The following A2ML1 variants were observed in gnomAD, a reference collection of about 807,000 sequenced individuals.
A2ML1 encodes the protein alpha-2-macroglobulin like 1.
In A2ML1, 161 loss-of-function variants were observed where a neutral mutation model predicts 181.9. The observed-to-expected ratio is 0.89, with a 90% CI of 0.78 to 1.01. A2ML1 has a LOEUF of 1.01. Ranked by LOEUF, A2ML1 falls within the 50% of genes least tolerant of loss-of-function variation. The pLI, the probability that A2ML1 is intolerant of heterozygous loss-of-function variation, is 0.00. For missense variants in A2ML1, 1,670 were observed against 1,768.1 expected, an observed-to-expected ratio of 0.94 and a Z score of 1.00; for synonymous variants, 663 against 666.8, an observed-to-expected ratio of 0.99 and a Z score of 0.09.
intron 33 of A2ML1, among the ~76,000 whole-genome samples, chr12:8,872,393 A>G (rs965897496): frequency 1.3e-5 from 2 of 152,046 alleles, no homozygotes; most frequent in Non-Finnish European, 2.9e-5. Context: ...TCATATTAGA[A>G]ATTAAAACTG....
At chr12:8,874,068 T>G (rs1376795871) in intron 33 of A2ML1, among the ~76,000 whole-genome samples, 1 of 151,964 alleles carries the variant, frequency 6.6e-6, no homozygotes, top group Non-Finnish European at 1.5e-5. Context: ...CAGGCTGGAG[T>G]GCAGTGGCGC....
chr12:8,881,871 T>C (rs1398169101), intron 7 of A2ML1, among the ~76,000 whole-genome samples: 5 of 151,228 alleles, frequency 3.3e-5, no homozygotes, highest in Admixed American at 1.3e-4. Flanking sequence ...ATTAGCTGGG[T>C]GTGGTGGTGG....
chr12:8,845,062 G>A (rs963497296), intron 12 of A2ML1: 8 of 1,434,118 alleles, frequency 5.6e-6, no homozygotes, highest in Non-Finnish European at 7.3e-6. Context: ...ATTTTAAATT[G>A]AGCTGTAATT....
chr12:8,855,463 C>A, intron 22 of A2ML1, 46 bp from the exon 23 acceptor site: 1 of 1,586,564 alleles, frequency 6.3e-7, no homozygotes, highest in Non-Finnish European at 8.6e-7. Context: ...GAACCCCTGC[C>A]ATTCCCCATC....
Position 8,861,277 on chromosome 12 carries a change from A to T in A2ML1, c.3482A>T (p.Asp1161Val). The change falls in exon 28 of 36, where the codon GAT (aspartate) becomes GTT (valine). Residue 1161 changes from aspartate to valine, a missense_variant. Coordinates refer to ENST00000299698, the MANE Select transcript of A2ML1 (RefSeq NM_144670.6). ...DIRNILLKQL[D>V]QQAIISGESI... ...AGAAACATTCTCCTTAAACAGTTAG[A>T]TCAACAGGCTATCATCTCAGGTATG... 6.2e-7 allele frequency: 1 copy of T among 1,614,040 alleles called. No individual in the cohort carries two copies. The highest frequency in any genetic ancestry group is 1.1e-5 in the South Asian group (1 of 91,058).
In A2ML1 at chr12:8,852,380, G is replaced by A. The variant is rs768125451; in HGVS notation, c.2590+44G>A. The A allele has an allele frequency of 6.2e-7, 1 of 1,610,992 alleles. No homozygotes were observed. Among genetic ancestry groups the A allele is most frequent in the Non-Finnish European group, 8.5e-7 (1 of 1,178,218 alleles). ...AGACGGGCGAGGAAAGCCAGCAGCA[G>A]AAGACCAGTGACTGAGCACTCAGTC... is the stretch of plus-strand genomic sequence containing the variant. On this transcript the variant is annotated intron_variant, in intron 20 of 35. Coordinates refer to ENST00000299698, the MANE Select transcript of A2ML1 (RefSeq NM_144670.6). This position sits in a 1 kb window ranked among gnomAD's most constrained non-coding sequence, Gnocchi z 4.2.
At chr12:8,825,434 T>C (rs142248485) in intron 3 of A2ML1, among the ~76,000 whole-genome samples, 1 of 152,300 alleles carries the variant, frequency 6.6e-6, no homozygotes, top group Non-Finnish European at 1.5e-5. Flanking sequence ...GCCCGTTCTT[T>C]AATCTGATTA....
chr12:8,841,487 C>T lies in A2ML1; in HGVS notation c.1199C>T (p.Pro400Leu). Reference sequence around the variant, plus strand: ...GTTACTGATAACAATGGCCTAGCTCCCTTTACCTTGGAGACATCCGGTTGG... The same window carrying T: ...GTTACTGATAACAATGGCCTAGCTCTCTTTACCTTGGAGACATCCGGTTGG... Reference protein sequence around the residue: ...TLVTDNNGLAPFTLETSGWNG... With the variant: ...TLVTDNNGLALFTLETSGWNG... The change falls in exon 11 of 36, where the codon CCC (proline) becomes CTC (leucine). Residue 400 changes from proline (P) to leucine (L), a missense_variant. Coordinates refer to ENST00000299698, the MANE Select transcript of A2ML1 (RefSeq NM_144670.6). 6.2e-7 allele frequency: 1 copy of T among 1,614,122 alleles called. No individual in the cohort carries two copies. Among genetic ancestry groups the T allele is most frequent in the South Asian group, 1.1e-5 (1 of 91,068 alleles).
downstream of A2ML1, among the ~76,000 whole-genome samples, chr12:8,878,450 T>C (rs1485246079): frequency 2.6e-5 from 4 of 152,178 alleles, no homozygotes; most frequent in African/African-American, 9.7e-5. The surrounding 1 kb of genome is among the most constrained non-coding windows in gnomAD (Gnocchi z 4.4). Context: ...CTAAACCTGT[T>C]GTACACATAG....
chr12:8,851,859 T>C lies in A2ML1; in HGVS notation c.2310T>C (p.Thr770=), dbSNP rs370481255. ...AGTGGAAGGCGATGAGTTTCTGCAC[T>C]TCCCAGTCAAGAGGCTTCGGGCTTT... ...ITEWKAMSFC[T]SQSRGFGLSP... Residue 770 remains threonine (T), a synonymous_variant, in exon 19 of 36, where the codon ACT becomes ACC. Transcript: ENST00000299698. The C allele has an allele frequency of 3.3e-5, 53 of 1,614,114 alleles. No homozygotes were observed. The highest frequency in any genetic ancestry group is 2.0e-4 in the South Asian group (18 of 91,088).
Position 8,838,371 on chromosome 12 carries a change from C to T in A2ML1, c.891C>T (p.Asp297=). 6.2e-7 allele frequency: 1 copy of T among 1,613,824 alleles called. No homozygotes were observed. Among genetic ancestry groups the T allele is most frequent in the Non-Finnish European group, 8.5e-7 (1 of 1,179,842 alleles). Residue 297 remains aspartate, a synonymous_variant, in exon 9 of 36, where the codon GAC becomes GAT. Transcript: ENST00000299698. ...DKTGCFSAPV[D]MATFDLIGYA... ...CAGGATGTTTCTCAGCACCTGTGGA[C>T]ATGGCCACCTTTGACCTCATTGGAT...
intron 20 of A2ML1, among the ~76,000 whole-genome samples, chr12:8,853,730 T>C (rs191568756): frequency 6.6e-6 from 1 of 152,332 alleles, no homozygotes; most frequent in Admixed American, 6.5e-5. Flanking sequence ...AACAGCTGTC[T>C]TCCCCAGAGC....
chr12:8,832,469 G>A (rs901710935), intron 4 of A2ML1, among the ~76,000 whole-genome samples: 6 of 152,202 alleles, frequency 3.9e-5, no homozygotes, highest in Non-Finnish European at 5.9e-5. Flanking sequence ...TTGTTTCAGA[G>A]TCAAACCATG....
chr12:8,869,084 C>G, intron 32 of A2ML1, 51 bp from the exon 33 acceptor site: 7 of 1,577,186 alleles, frequency 4.4e-6, no homozygotes, highest in Non-Finnish European at 5.2e-6. Flanking sequence ...AAGACTACCC[C>G]AGGGAAGGCT....
intron 1 of A2ML1, among the ~76,000 whole-genome samples, chr12:8,822,976 G>A (rs1942792331): frequency 6.6e-6 from 1 of 152,186 alleles, no homozygotes; most frequent in Non-Finnish European, 1.5e-5. Flanking sequence ...AGGCATGTGT[G>A]CTCGGTGAGG....
chr12:8,840,397 T>C (rs1188511573), intron 10 of A2ML1, among the ~76,000 whole-genome samples: 1 of 151,992 alleles, frequency 6.6e-6, no homozygotes. Context: ...TTAAATTTTC[T>C]TTGCTAGTGT....
intron 4 of A2ML1, among the ~76,000 whole-genome samples, chr12:8,834,316 C>A (rs759569385): frequency 6.6e-6 from 1 of 152,202 alleles, no homozygotes; most frequent in Admixed American, 6.5e-5. Context: ...ATTGAGGAAC[C>A]CCCTGGTGCT....
At chr12:8,826,954 C>T (rs1472786066) in intron 3 of A2ML1, among the ~76,000 whole-genome samples, 1 of 151,974 alleles carries the variant, frequency 6.6e-6, no homozygotes, top group Non-Finnish European at 1.5e-5. Context: ...GTTTTTTATT[C>T]CTTGATGTTT....
chr12:8,871,865 G>T (rs759623971), intron 33 of A2ML1, among the ~76,000 whole-genome samples: 13 of 151,748 alleles, frequency 8.6e-5, no homozygotes, highest in Admixed American at 2.6e-4. Flanking sequence ...CTTGCCTTGG[G>T]TGCCATTTAG....
Sources: gnomAD v4.1 joint callset for allele counts (sites outside exome capture counted in the v4.1 genomes callset) on GRCh38, gnomAD v4.1.1 for gene constraint, Gnocchi (gnomAD v3.1) non-coding constraint, MANE v1.5 for transcripts, NCBI Gene and HGNC (gene_info 2026-07-23, HGNC 2026-07-21) for gene names.